The following THEMIS variants were observed in gnomAD, a reference collection of about 807,000 sequenced individuals.
THEMIS encodes protein THEMIS.
A neutral mutation model predicts 52.6 loss-of-function variants in THEMIS; 37 were observed. The ratio of observed to expected loss-of-function variants is 0.70; its 90% confidence interval spans 0.54 to 0.93. The LOEUF (loss-of-function observed/expected upper bound fraction) is 0.93. THEMIS is among the 40% of genes least tolerant of loss of function. The probability of loss-of-function intolerance (pLI) is 0.00; values close to 1 mark genes in which losing one functional copy is unlikely to be tolerated. For synonymous variants in THEMIS, 292 were observed against 272.7 expected (o/e 1.07, Z -0.70); for missense variants, 808 against 763.1 (o/e 1.06, Z -0.69).
At chr6:127,847,732 C>T (rs1461717348) in intron 2 of THEMIS, among the ~76,000 whole-genome samples, 4 of 151,644 alleles carry the variant, frequency 2.6e-5, no homozygotes, top group Non-Finnish European at 4.4e-5. Context: ...AAGGAATCTA[C>T]GGATTCAATG....
intron 1 of THEMIS, among the ~76,000 whole-genome samples, chr6:127,888,815 A>G (rs1023748158): frequency 6.6e-6 from 1 of 152,104 alleles, no homozygotes; most frequent in African/African-American, 2.4e-5. Context: ...ATGCTTCCTG[A>G]ATAGAGTGAT....
intron 1 of THEMIS, among the ~76,000 whole-genome samples, chr6:127,870,801 T>C (rs1250578365): frequency 6.6e-6 from 1 of 152,128 alleles, no homozygotes; most frequent in Admixed American, 6.5e-5. Context: ...ATCCCAAATA[T>C]GTATACATCA....
At chr6:127,894,006 A>G (rs1562326141) in intron 1 of THEMIS, among the ~76,000 whole-genome samples, 2 of 152,152 alleles carry the variant, frequency 1.3e-5, no homozygotes, top group South Asian at 2.1e-4. Context: ...TACAGTAAAA[A>G]GATGTAACTC....
chr6:127,886,104 C>T (rs1562321586), intron 1 of THEMIS, among the ~76,000 whole-genome samples: 1 of 152,082 alleles, frequency 6.6e-6, no homozygotes, highest in Non-Finnish European at 1.5e-5. Context: ...CAACACCTTC[C>T]TACCATAACA....
At chr6:127,868,100 C>A (rs1175022163) in intron 1 of THEMIS, among the ~76,000 whole-genome samples, 2 of 152,152 alleles carry the variant, frequency 1.3e-5, no homozygotes, top group Non-Finnish European at 2.9e-5. Flanking sequence ...AGTGCCTCAA[C>A]TTCGTTATCT....
At chr6:127,767,643 C>A (rs1776245485) in intron 4 of THEMIS, among the ~76,000 whole-genome samples, 1 of 151,980 alleles carries the variant, frequency 6.6e-6, no homozygotes, top group South Asian at 2.1e-4. Flanking sequence ...CCAAAAGGAC[C>A]TACCTGAGAT....
intron 3 of THEMIS, among the ~76,000 whole-genome samples, chr6:127,829,243 G>A (rs757247325): frequency 6.6e-6 from 1 of 152,106 alleles, no homozygotes; most frequent in African/African-American, 2.4e-5. Context: ...GATAGTTATA[G>A]CACCTCATAT....
At chr6:127,797,731 G>A (rs1475867322) in intron 4 of THEMIS, among the ~76,000 whole-genome samples, 1 of 152,180 alleles carries the variant, frequency 6.6e-6, no homozygotes, top group East Asian at 1.9e-4. Context: ...ACAACCATCT[G>A]TAAAACAATC....
intron 1 of THEMIS, among the ~76,000 whole-genome samples, chr6:127,862,428 A>ATTTTTTTGTTTTTTTTTTTTTTTTTT (rs1779834552): frequency 1.4e-5 from 1 of 72,808 alleles, no homozygotes; most frequent in Non-Finnish European, 2.8e-5. Context: ...TAGGGAGTAA[A>ATTTTTTTGTTTTTTTTTTTTTTTTTT]TTTTTTTTTT....
the THEMIS span, among the ~76,000 whole-genome samples, chr6:127,699,814 T>A: frequency 2.3e-3 from 351 of 151,964 alleles, 4 homozygotes; most frequent in South Asian, 0.011. Flanking sequence ...ACATAAATAT[T>A]AACTCAAACA....
In THEMIS at chr6:127,805,964, T is replaced by G. The variant is rs999327344; in HGVS notation, c.1758+6919A>C. On this transcript the variant is annotated intron_variant, in intron 4 of 5. Transcript: ENST00000368248. The stretch of plus-strand genomic sequence containing the variant: ...ACTTTTCTTCAACTGCTCTTTTGAT[T>G]TTTTTTTTTAAAGAAAAACTGAAGG... 2.0e-5 allele frequency among the ~76,000 whole-genome samples: 3 copies of G among 150,346 alleles called. 1 individual carries two copies. The highest frequency in any genetic ancestry group is 4.2e-4 in the South Asian group (2 of 4,760).
chr6:127,762,349 T>C (rs270007), intron 4 of THEMIS, among the ~76,000 whole-genome samples: 19 of 151,972 alleles, frequency 1.3e-4, no homozygotes, highest in African/African-American at 4.6e-4. Flanking sequence ...TTCAACAATA[T>C]TATATTGTAT....
rs575803532 is a variant in THEMIS at position 127,898,187 on chromosome 6, A to G, written c.91+2655T>C. On this transcript the variant is annotated intron_variant, in intron 1 of 5. Transcript: ENST00000368248. ...ATTTCTGGACCAGGGTGGCAGTTACATGAATGTGTTTACACTGTGAAAATG... is the reference window on the plus strand; with the variant it reads ...ATTTCTGGACCAGGGTGGCAGTTACGTGAATGTGTTTACACTGTGAAAATG... Among the ~76,000 whole-genome samples the G allele has an allele frequency of 4.6e-5, 7 of 151,866 alleles. No homozygotes were observed. In the South Asian group the frequency reaches 1.2e-3, roughly 27 times the overall value.
chr6:127,858,232 T>G (rs2114316377), intron 1 of THEMIS, among the ~76,000 whole-genome samples: 1 of 152,218 alleles, frequency 6.6e-6, no homozygotes, highest in Middle Eastern at 3.4e-3. Context: ...AAGAAAAGCT[T>G]TTGACTCTTC....
At chr6:127,895,491 T>A (rs549962146) in intron 1 of THEMIS, among the ~76,000 whole-genome samples, 2 of 151,606 alleles carry the variant, frequency 1.3e-5, no homozygotes, top group East Asian at 3.9e-4. Context: ...TCAGAGACAA[T>A]CAATGGGAAA....
chr6:127,765,265 G>C (rs1340727766), intron 4 of THEMIS, among the ~76,000 whole-genome samples: 2 of 152,010 alleles, frequency 1.3e-5, no homozygotes, highest in Non-Finnish European at 2.9e-5. Flanking sequence ...GTTGCCTACT[G>C]TCTGGGAAGT....
chr6:127,899,191 A>T (rs1212654235), intron 1 of THEMIS, among the ~76,000 whole-genome samples: 1 of 151,908 alleles, frequency 6.6e-6, no homozygotes, highest in Non-Finnish European at 1.5e-5. Flanking sequence ...CTCTGACTTG[A>T]TTATTACACA....
Position 127,709,987 on chromosome 6 carries a change from AT to A in THEMIS, c.1923del (p.Lys641AsnfsTer5). On this transcript the variant is annotated frameshift_variant, in exon 6 of 6. Transcript: ENST00000368248. LOFTEE classifies it high-confidence loss of function. Reference sequence around the variant, plus strand: ...TAAGTGGCTTCTGTCACATCTTGTTATTTTTGATGTTTTTCATTTTTGAATG... The same window carrying A: ...TAAGTGGCTTCTGTCACATCTTGTTATTTTGATGTTTTTCATTTTTGAATG... The part of the protein sequence containing the change: ...AETFKNEKHQ[K>X] 6.3e-7 allele frequency: 1 copy of A among 1,589,244 alleles called. No homozygotes were observed. The highest frequency in any genetic ancestry group is 1.8e-5 in the Admixed American group (1 of 56,036).
rs148504093 is a variant in THEMIS, at chr6:127,781,446, T to A, written c.1758+31437A>T. Among the ~76,000 whole-genome samples the A allele has an allele frequency of 4.6e-5, 7 of 151,878 alleles. No homozygotes were observed. In the South Asian group the frequency reaches 1.2e-3, roughly 27 times the overall value. ...GTTTTGTTCCCTTACTGGTGAGGAG[T>A]TGTGATCTTTTGGAGAAGAAGTGTT... On this transcript the variant is annotated intron_variant, in intron 4 of 5. Transcript: ENST00000368248.
Sources: allele counts gnomAD v4.1 joint callset (sites outside exome capture counted in the v4.1 genomes callset), GRCh38; gene constraint gnomAD v4.1.1; transcripts MANE v1.5; gene names NCBI Gene and HGNC (gene_info 2026-07-23, HGNC 2026-07-21).